Variants in SORCS1 observed in about 807,000 individuals in gnomAD.
The protein encoded by SORCS1 is VPS10 domain-containing receptor SorCS1.
SORCS1 carries 60 observed loss-of-function variants against 146.1 expected under a neutral mutation model. That is an observed-to-expected ratio of 0.41 (90% CI 0.33 to 0.51). SORCS1 has a LOEUF of 0.51. Ranked by LOEUF, SORCS1 falls within the 20% of genes least tolerant of loss-of-function variation. SORCS1 has a pLI of 0.21. For missense variants in SORCS1, 1,352 were observed against 1,487.6 expected (o/e 0.91, Z 1.50); for synonymous variants, 637 against 584.0 (o/e 1.09, Z -1.31).
chr10:106,821,831 AG>A (rs1948044033), intron 3 of SORCS1, among the ~76,000 whole-genome samples: 1 of 151,984 alleles, frequency 6.6e-6, no homozygotes, highest in Non-Finnish European at 1.5e-5. Context: ...CTCAGGCAGG[AG>A]AATGGCGTGA....
At chr10:106,939,628 A>G (rs1225322085) in intron 2 of SORCS1, among the ~76,000 whole-genome samples, 1 of 152,170 alleles carries the variant, frequency 6.6e-6, no homozygotes, top group Non-Finnish European at 1.5e-5. Flanking sequence ...AAGCCAATAA[A>G]CCAAAGGTGA....
intron 1 of SORCS1, among the ~76,000 whole-genome samples, chr10:107,058,154 G>A (rs1187876038): frequency 6.6e-6 from 1 of 152,156 alleles, no homozygotes; most frequent in Non-Finnish European, 1.5e-5. Flanking sequence ...CCATTCTCCT[G>A]CCTCAGCCTC....
chr10:106,675,172 AT>A lies in SORCS1; in HGVS notation c.1833-17del, dbSNP rs1292081452. On this transcript the variant is annotated splice_polypyrimidine_tract_variant and intron_variant, in intron 13 of 25. Transcript: ENST00000263054. ...AAAACTCAACCTAATGATATAAAAA[AT>A]ATCAGTCATCAGATCTCCAAAGGAA... 1.9e-6 allele frequency: 3 copies of A among 1,581,010 alleles called. No individual in the cohort carries two copies. Among genetic ancestry groups the A allele is most frequent in the Non-Finnish European group, 2.6e-6 (3 of 1,151,148 alleles).
At chr10:106,909,278 T>G (rs1952040510) in intron 2 of SORCS1, among the ~76,000 whole-genome samples, 1 of 152,244 alleles carries the variant, frequency 6.6e-6, no homozygotes, top group African/African-American at 2.4e-5. Flanking sequence ...TGAGGACCCT[T>G]GCTGATTTCA....
chr10:107,024,109 G>C (rs1958278046), intron 1 of SORCS1, among the ~76,000 whole-genome samples: 2 of 150,064 alleles, frequency 1.3e-5, no homozygotes, highest in African/African-American at 4.9e-5. Context: ...CGGAGGTGGA[G>C]GTTGCAGTGA....
chr10:106,621,485 A>T (rs1483606833), intron 19 of SORCS1, among the ~76,000 whole-genome samples: 1 of 151,438 alleles, frequency 6.6e-6, no homozygotes. Context: ...CTGTGTTGAG[A>T]CTTTTTCACT....
intron 9 of SORCS1, among the ~76,000 whole-genome samples, chr10:106,697,723 T>A (rs1853813383): frequency 6.6e-6 from 1 of 152,094 alleles, no homozygotes; most frequent in South Asian, 2.1e-4. Flanking sequence ...ATCTAGTAGG[T>A]TTCATGTTTA....
intron 1 of SORCS1, among the ~76,000 whole-genome samples, chr10:107,116,425 T>C (rs1277725824): frequency 6.6e-6 from 1 of 152,102 alleles, no homozygotes; most frequent in Non-Finnish European, 1.5e-5. Context: ...ACATATATAA[T>C]GTATTATACA....
intron 6 of SORCS1, 37 bp downstream of exon 6, chr10:106,730,013 A>C: frequency 5.0e-6 from 8 of 1,603,906 alleles, no homozygotes; most frequent in African/African-American, 1.3e-5. Flanking sequence ...TAGAACTAAT[A>C]TTACTATGAG....
chr10:106,714,738 A>G (rs1855244386), intron 6 of SORCS1, among the ~76,000 whole-genome samples: 2 of 152,178 alleles, frequency 1.3e-5, no homozygotes, highest in African/African-American at 4.8e-5. Context: ...AATCTTTACA[A>G]CAAATCCCTA....
chr10:107,038,811 G>A (rs1482217528), intron 1 of SORCS1, among the ~76,000 whole-genome samples: 2 of 151,814 alleles, frequency 1.3e-5, no homozygotes, highest in African/African-American at 2.4e-5. Flanking sequence ...GTTCTTTTTT[G>A]GAGACTAACA....
intron 22 of SORCS1, among the ~76,000 whole-genome samples, chr10:106,608,010 T>C (rs1030650575): frequency 6.6e-6 from 1 of 152,220 alleles, no homozygotes; most frequent in Admixed American, 6.5e-5. Flanking sequence ...TTCTTGTTTA[T>C]CCTAGCTCAC....
At chr10:106,712,751 A>G (rs1855090438) in intron 6 of SORCS1, among the ~76,000 whole-genome samples, 1 of 152,240 alleles carries the variant, frequency 6.6e-6, no homozygotes, top group Non-Finnish European at 1.5e-5. Flanking sequence ...CACACTTAAA[A>G]AGACTAGTTA....
At chr10:107,096,758 C>T (rs1964570445) in intron 1 of SORCS1, among the ~76,000 whole-genome samples, 1 of 152,162 alleles carries the variant, frequency 6.6e-6, no homozygotes. Context: ...GTGATCGGCC[C>T]ACCTCGGCCT....
chr10:106,602,856 A>T (rs1394970680), intron 23 of SORCS1, among the ~76,000 whole-genome samples: 1 of 152,194 alleles, frequency 6.6e-6, no homozygotes, highest in Non-Finnish European at 1.5e-5. Context: ...GAAAATAGAG[A>T]TTATTAATTC....
chr10:106,870,244 C>T (rs1192207215), intron 2 of SORCS1, among the ~76,000 whole-genome samples: 1 of 152,122 alleles, frequency 6.6e-6, no homozygotes, highest in East Asian at 1.9e-4. Flanking sequence ...GAAGAATCAA[C>T]ATCTTTGAAA....
intron 5 of SORCS1, among the ~76,000 whole-genome samples, chr10:106,751,492 G>T (rs547817340): frequency 6.6e-5 from 10 of 152,266 alleles, no homozygotes; most frequent in African/African-American, 1.7e-4. Context: ...GGACAGGCTC[G>T]CACTGTGAGA....
chr10:106,694,505 C>T (rs182362828), intron 9 of SORCS1, among the ~76,000 whole-genome samples: 1 of 152,284 alleles, frequency 6.6e-6, no homozygotes, highest in East Asian at 1.9e-4. Context: ...CCTCTGCCTC[C>T]TAAAGTGCTG....
chr10:107,085,586 A>C (rs562796006), intron 1 of SORCS1, among the ~76,000 whole-genome samples: 112 of 152,330 alleles, frequency 7.4e-4, no homozygotes, highest in South Asian at 1.4e-3. Flanking sequence ...GTCACTCTGA[A>C]GACATATGGG....
Sources: gnomAD v4.1 joint callset for allele counts (sites outside exome capture counted in the v4.1 genomes callset) on GRCh38, gnomAD v4.1.1 for gene constraint, MANE v1.5 for transcripts, NCBI Gene and HGNC (gene_info 2026-07-23, HGNC 2026-07-21) for gene names.